The following PCNT variants were observed in gnomAD, a reference collection of about 807,000 sequenced individuals.
The protein encoded by PCNT is pericentrin.
Under a neutral mutation model 380.4 loss-of-function variants are expected in PCNT, and 319 were observed. The ratio of observed to expected loss-of-function variants is 0.84; its 90% CI spans 0.77 to 0.92. The LOEUF (loss-of-function observed/expected upper bound fraction) is 0.92, where lower values mean the gene tolerates loss of function less well. PCNT is among the 40% of genes least tolerant of loss of function. PCNT has a pLI of 0.00. For synonymous variants in PCNT, 1,845 were observed against 1,735.2 expected (o/e 1.06, Z -1.57); for missense variants, 4,400 against 4,255.3 (o/e 1.03, Z -0.95).
chr21:46,432,127 G>T lies in PCNT; in HGVS notation c.8663G>T (p.Arg2888Leu), dbSNP rs373629091. 3 of 1,613,960 alleles carry T rather than the reference G, an allele frequency of 1.9e-6. No homozygotes were observed. In the African/African-American group the frequency reaches 4.0e-5, roughly 22 times the overall value. Reference protein sequence around the residue: ...SHPRLKEQEGRKAARRSAEAR... With the variant: ...SHPRLKEQEGLKAARRSAEAR... The stretch of plus-strand genomic sequence containing the variant: ...CCACGGTTGAAAGAGCAAGAAGGAC[G>T]CAAGGCTGCGAGGAGGAGCGCGGAG... Residue 2888 changes from arginine to leucine, a missense_variant, in exon 38 of 47, where the codon CGC becomes CTC. By Grantham distance (102) the Arg-to-Leu change is moderately radical (BLOSUM62 -2). Transcript: ENST00000359568.
intron 16 of PCNT, among the ~76,000 whole-genome samples, chr21:46,383,748 C>G (rs1400977631): frequency 8.7e-6 from 1 of 115,162 alleles, no homozygotes; most frequent in East Asian, 2.9e-4. Flanking sequence ...ATTCACAGTG[C>G]TGTGCATTCA....
intron 3 of PCNT, among the ~76,000 whole-genome samples, chr21:46,338,759 C>T (rs1036287581): frequency 6.6e-6 from 1 of 151,954 alleles, no homozygotes; most frequent in African/African-American, 2.4e-5. Flanking sequence ...GTGTGCACCA[C>T]CATGCCTGGC....
chr21:46,401,530 G>A (rs2086426617), intron 25 of PCNT, 21 bp from the exon 26 acceptor site: 2 of 1,599,450 alleles, frequency 1.3e-6, no homozygotes, highest in South Asian at 2.2e-5. Context: ...GCCTAAAATA[G>A]AGTTCTTTTT....
chr21:46,366,748 C>G lies in PCNT; in HGVS notation c.2774C>G (p.Ala925Gly). Residue 925 changes from alanine (A) to glycine (G), a missense_variant, in exon 15 of 47, where the codon GCC (alanine) becomes GGC (glycine). Physicochemically the swap from Ala to Gly is moderately conservative, Grantham distance 60. Coordinates refer to ENST00000359568, the MANE Select transcript of PCNT (RefSeq NM_006031.6). ...VTAELEARHQ[A>G]ALGELTASLE... is the part of the protein sequence containing the mutation. ...GCGGAGCTCGAGGCCAGACACCAGG[C>G]CGCGTTGGGCGAGCTGACAGCCTCC... 1 of 1,613,582 alleles carries G rather than the reference C, an allele frequency of 6.2e-7. No individual in the cohort carries two copies. Among genetic ancestry groups the G allele is most frequent in the Non-Finnish European group, 8.5e-7 (1 of 1,180,052 alleles).
chr21:46,332,392 G>A (rs1422375141), intron 2 of PCNT, among the ~76,000 whole-genome samples: 2 of 152,132 alleles, frequency 1.3e-5, no homozygotes, highest in African/African-American at 2.4e-5. Flanking sequence ...TGTTTTACAC[G>A]TAATTTACAG....
At chr21:46,429,903 C>T (rs1358784568) in intron 35 of PCNT, 107 bp from the exon 36 acceptor site, 13 of 837,672 alleles carry the variant, frequency 1.6e-5, no homozygotes, top group African/African-American at 6.8e-5. Flanking sequence ...CCTTTCTTCC[C>T]GAAGCACATA....
At chr21:46,378,353 T>C (rs1228201790) in intron 15 of PCNT, among the ~76,000 whole-genome samples, 1 of 152,194 alleles carries the variant, frequency 6.6e-6, no homozygotes, top group Non-Finnish European at 1.5e-5. Context: ...CACTCTATGG[T>C]GTCTCTGGCA....
In PCNT at chr21:46,356,831, T is replaced by C. The variant is rs935944412; in HGVS notation, c.1937-143T>C. On this transcript the variant is annotated intron_variant, in intron 12 of 46. Transcript: ENST00000359568. The stretch of plus-strand genomic sequence containing the variant: ...CTTGAGAGAGCCATGCCTGCTTTCA[T>C]CACTGAGTCAGCACAGAGCTTGAAA... 3.8e-5 allele frequency: 27 copies of C among 701,454 alleles called. 1 individual carries two copies. Among genetic ancestry groups the C allele is most frequent in the South Asian group, 2.2e-4 (13 of 59,224 alleles). 43.5% of individuals were successfully genotyped at this position (701,454 alleles called of 1,614,324 possible).
chr21:46,381,610 G>C (rs1171273685), intron 15 of PCNT, 84 bp from the exon 16 acceptor site: 1 of 1,298,732 alleles, frequency 7.7e-7, no homozygotes, highest in Non-Finnish European at 1.1e-6. Context: ...ATGCATATCT[G>C]CTGAATGTGC....
Position 46,416,606 on chromosome 21 carries a change from C to A in PCNT, c.6688C>A (p.Leu2230Ile). The A allele has an allele frequency of 6.3e-7, 1 of 1,597,924 alleles. No homozygotes were observed. Among genetic ancestry groups the A allele is most frequent in the Non-Finnish European group, 8.5e-7 (1 of 1,172,328 alleles). The stretch of plus-strand genomic sequence containing the variant: ...GTCTTCCTGGAGCTCCCCTGAGGTC[C>A]TCAGGAAGGACTGGACCCTGGAGCC... ...DLSSWSSPEV[L>I]RKDWTLEPWP... Residue 2230 changes from leucine to isoleucine, a missense_variant, in exon 30 of 47, where the codon CTC becomes ATC. Transcript: ENST00000359568.
At chr21:46,438,965 G>A (rs949379931) in intron 41 of PCNT, among the ~76,000 whole-genome samples, 8 of 151,968 alleles carry the variant, frequency 5.3e-5, no homozygotes, top group Admixed American at 3.9e-4. Flanking sequence ...CACCGTGCCC[G>A]GCCTAAAGTG....
Position 46,334,650 on chromosome 21 carries a change from T to G in PCNT, c.521T>G (p.Ile174Ser). ...CCAGAACAGCGTGGGATGTTCACAA[T>G]CAGTGACCACCAACCGGAACAGCGT... ...HPPEQRGMFT[I>S]SDHQPEQRGM... Residue 174 changes from isoleucine to serine, a missense_variant, in exon 3 of 47, where the codon ATC becomes AGC. Transcript: ENST00000359568. 1 of 1,604,950 alleles carries G rather than the reference T, an allele frequency of 6.2e-7. No individual in the cohort carries two copies. The highest frequency in any genetic ancestry group is 8.5e-7 in the Non-Finnish European group (1 of 1,174,910).
Position 46,444,609 on chromosome 21 carries a change from G to T in PCNT, c.9840-85G>T. The T allele has an allele frequency of 2.0e-6, 3 of 1,496,320 alleles. No individual in the cohort carries two copies. In the South Asian group the frequency reaches 3.5e-5, roughly 17 times the overall value. The allele number at this position is 1,496,320 out of a possible 1,614,324, so 92.7% of individuals were successfully genotyped here. A position where few individuals can be genotyped will look rare whatever the true frequency, so the allele number is the denominator to read the frequency against. On this transcript the variant is annotated intron_variant, in intron 45 of 46. Transcript: ENST00000359568. ...TTGGCGGGGCTGGTGCCTTTCTTCTGCACTCAGTCACCATGGCTCCGTCTG... is the reference window on the plus strand; with the variant it reads ...TTGGCGGGGCTGGTGCCTTTCTTCTTCACTCAGTCACCATGGCTCCGTCTG...
intron 1 of PCNT, among the ~76,000 whole-genome samples, 182 bp downstream of exon 1, chr21:46,324,464 C>A (rs1446193232): frequency 6.6e-6 from 1 of 151,590 alleles, no homozygotes; most frequent in East Asian, 1.9e-4. Flanking sequence ...TTGAATCCGC[C>A]GCTCTCCGCC....
chr21:46,354,093 G>T (rs751113715), intron 11 of PCNT, 25 bp downstream of exon 11: 1 of 1,598,452 alleles, frequency 6.3e-7, no homozygotes, highest in Admixed American at 1.7e-5. Context: ...GCTGAGAAGT[G>T]GGGGAGTCCT....
At chr21:46,368,574 A>T (rs1233542954) in intron 15 of PCNT, among the ~76,000 whole-genome samples, 3 of 152,214 alleles carry the variant, frequency 2.0e-5, no homozygotes, top group African/African-American at 7.2e-5. Context: ...AGTGCCTGTG[A>T]CTCAGGAAAG....
intron 15 of PCNT, among the ~76,000 whole-genome samples, chr21:46,379,079 C>T (rs1199792708): frequency 1.3e-5 from 2 of 152,220 alleles, no homozygotes; most frequent in Non-Finnish European, 1.5e-5. Flanking sequence ...AAGGACAGGT[C>T]TGCTAGTGAT....
chr21:46,353,901 G>A, intron 10 of PCNT, 86 bp from the exon 11 acceptor site: 2 of 1,179,200 alleles, frequency 1.7e-6, no homozygotes. Flanking sequence ...CGCCTCTGCT[G>A]TGAGCAGTCG....
Position 46,391,387 on chromosome 21 carries a change from C to G in PCNT, c.4216+11C>G. On this transcript the variant is annotated intron_variant, in intron 21 of 46. Coordinates refer to ENST00000359568, the MANE Select transcript of PCNT (RefSeq NM_006031.6). ...AGGCCAGAGAAGCTGGTAAGGAGCG[C>G]GGGCTGTGGAGGGTGGTGCGAGCTG... 6.5e-7 allele frequency: 1 copy of G among 1,544,296 alleles called. No homozygotes were observed.
Sources: allele counts gnomAD v4.1 joint callset (sites outside exome capture counted in the v4.1 genomes callset), GRCh38; gene constraint gnomAD v4.1.1; transcripts MANE v1.5; gene names NCBI Gene and HGNC (gene_info 2026-07-23, HGNC 2026-07-21).